Variants in PRKACB observed in about 807,000 individuals in gnomAD.
The protein encoded by PRKACB is protein kinase cAMP-activated catalytic subunit beta, also known as cAMP-dependent protein kinase catalytic subunit beta.
A neutral mutation model predicts 51.4 loss-of-function variants in PRKACB; 16 were observed. The observed-to-expected ratio is 0.31, with a 90% CI of 0.21 to 0.47. The LOEUF (loss-of-function observed/expected upper bound fraction) is 0.47. PRKACB is among the 20% of genes least tolerant of loss of function. The pLI, the probability that PRKACB is intolerant of heterozygous loss-of-function variation, is 1.00. For synonymous variants in PRKACB, 147 were observed against 154.4 expected, an observed-to-expected ratio of 0.95 and a Z score of 0.35; for missense variants, 309 against 464.5, an observed-to-expected ratio of 0.67 and a Z score of 3.08.
intron 8 of PRKACB, among the ~76,000 whole-genome samples, chr1:84,212,903 T>TG (rs1672339514): frequency 6.6e-6 from 1 of 152,070 alleles, no homozygotes; most frequent in Non-Finnish European, 1.5e-5. Flanking sequence ...GCTCAGAGCC[T>TG]GGGGGAGACA....
upstream of PRKACB, chr1:84,078,092 C>CCGCCGT (rs943040536): frequency 7.1e-5 from 29 of 408,908 alleles, no homozygotes; most frequent in African/African-American, 3.5e-4. Flanking sequence ...GCTGCTGCCA[C>CCGCCGT]CGCCGTCGCC....
chr1:84,100,016 A>G (rs1649213311), intron 1 of PRKACB, among the ~76,000 whole-genome samples: 1 of 152,174 alleles, frequency 6.6e-6, no homozygotes, highest in African/African-American at 2.4e-5. Context: ...GTCCATTTTC[A>G]CACTGCTGTA....
intron 1 of PRKACB, among the ~76,000 whole-genome samples, chr1:84,087,233 A>G (rs1648086117): frequency 6.6e-6 from 1 of 152,232 alleles, no homozygotes; most frequent in Non-Finnish European, 1.5e-5. Flanking sequence ...AACTGTATAT[A>G]TACATATTTC....
chr1:84,187,376 G>C (rs1305786706), intron 5 of PRKACB, among the ~76,000 whole-genome samples: 1 of 152,112 alleles, frequency 6.6e-6, no homozygotes, highest in Non-Finnish European at 1.5e-5. Context: ...GGCATTAAGA[G>C]GGGTAAGAGT....
intron 5 of PRKACB, among the ~76,000 whole-genome samples, chr1:84,190,440 T>C (rs1200352564): frequency 1.3e-5 from 2 of 151,992 alleles, no homozygotes; most frequent in African/African-American, 4.8e-5. Context: ...TTTTAAGTTA[T>C]TTTTATTAGC....
At chr1:84,189,951 C>CCTAA (rs892038651) in intron 5 of PRKACB, among the ~76,000 whole-genome samples, 2 of 151,722 alleles carry the variant, frequency 1.3e-5, no homozygotes, top group African/African-American at 4.8e-5. Context: ...AATTTCTTTC[C>CCTAA]CTAACTATTT....
chr1:84,224,844 T>C (rs149398279), intron 9 of PRKACB, among the ~76,000 whole-genome samples: 2 of 152,212 alleles, frequency 1.3e-5, no homozygotes, highest in African/African-American at 4.8e-5. Context: ...ACTCAATCAC[T>C]GTGGGAGGTG....
intron 1 of PRKACB, among the ~76,000 whole-genome samples, chr1:84,098,021 A>G (rs1649055829): frequency 6.6e-6 from 1 of 152,074 alleles, no homozygotes; most frequent in African/African-American, 2.4e-5. Context: ...GACACATAAA[A>G]TTAACCACCA....
intron 1 of PRKACB, among the ~76,000 whole-genome samples, chr1:84,160,982 GA>G (rs1558048497): frequency 6.6e-6 from 1 of 151,766 alleles, no homozygotes; most frequent in Non-Finnish European, 1.5e-5. Context: ...TAAATGTCAA[GA>G]TTTTTTTGAT....
intron 1 of PRKACB, among the ~76,000 whole-genome samples, chr1:84,150,540 G>C (rs1654724100): frequency 2.0e-5 from 3 of 152,030 alleles, no homozygotes; most frequent in Non-Finnish European, 2.9e-5. Flanking sequence ...TGAATGGCTT[G>C]GTGTCCTCCC....
At chr1:84,232,473 C>T (rs1675869252) in intron 9 of PRKACB, among the ~76,000 whole-genome samples, 1 of 152,070 alleles carries the variant, frequency 6.6e-6, no homozygotes, top group African/African-American at 2.4e-5. Flanking sequence ...TCCTTGTTGA[C>T]TTTCTGTCTC....
At chr1:84,224,016 T>G (rs1674170498) in intron 9 of PRKACB, among the ~76,000 whole-genome samples, 1 of 152,170 alleles carries the variant, frequency 6.6e-6, no homozygotes, top group South Asian at 2.1e-4. Flanking sequence ...ATCATGTTGG[T>G]TTGTTGGGCA....
intron 1 of PRKACB, among the ~76,000 whole-genome samples, chr1:84,133,612 C>T (rs1652482097): frequency 6.6e-6 from 1 of 151,996 alleles, no homozygotes; most frequent in Non-Finnish European, 1.5e-5. Flanking sequence ...CTTGGCTTTA[C>T]TCTGCTTCAC....
intron 9 of PRKACB, among the ~76,000 whole-genome samples, chr1:84,216,272 G>A (rs1024866515): frequency 7.2e-5 from 11 of 152,118 alleles, no homozygotes; most frequent in Non-Finnish European, 1.5e-4. Context: ...CTGGGAGATT[G>A]GGGCTACGGT....
At chr1:84,081,914 A>G (rs796755317) in intron 1 of PRKACB, among the ~76,000 whole-genome samples, 4 of 152,312 alleles carry the variant, frequency 2.6e-5, no homozygotes, top group African/African-American at 9.6e-5. Context: ...TTTCCAGAGT[A>G]TCTCTCTGTC....
chr1:84,189,493 G>C (rs1052849291), intron 5 of PRKACB, among the ~76,000 whole-genome samples: 2 of 150,576 alleles, frequency 1.3e-5, no homozygotes, highest in African/African-American at 2.4e-5. Flanking sequence ...TGAGGAAAAA[G>C]GTTGAAGGAG....
intron 9 of PRKACB, among the ~76,000 whole-genome samples, chr1:84,229,457 T>C (rs1675220424): frequency 7.9e-6 from 1 of 126,706 alleles, no homozygotes; most frequent in East Asian, 2.3e-4. Flanking sequence ...AGTAATGGGA[T>C]GGCTGGGTCA....
At chr1:84,142,219 A>T (rs1319806578), upstream of PRKACB, among the ~76,000 whole-genome samples, 2 of 152,188 alleles carry the variant, frequency 1.3e-5, no homozygotes, top group African/African-American at 4.8e-5. Flanking sequence ...ATAAATTCAT[A>T]AACAGTACCT....
chr1:84,211,127 TCACACACACACACACACA>T (rs3051185), intron 8 of PRKACB, among the ~76,000 whole-genome samples: 1 of 148,832 alleles, frequency 6.7e-6, no homozygotes, highest in Non-Finnish European at 1.5e-5. Context: ...CACTCCACTG[TCACACACACACACACACA>T]CACACACACA....
Sources: allele counts gnomAD v4.1 joint callset (sites outside exome capture counted in the v4.1 genomes callset), GRCh38; gene constraint gnomAD v4.1.1; transcripts MANE v1.5; gene names NCBI Gene and HGNC (gene_info 2026-07-23, HGNC 2026-07-21).